The following SLC9B2 variants were observed in gnomAD, a reference collection of about 807,000 sequenced individuals.
The protein encoded by SLC9B2 is sodium/hydrogen exchanger 9B2.
In SLC9B2, 39 loss-of-function variants were observed where a neutral mutation model predicts 52.2. The observed-to-expected ratio is 0.75, with a 90% CI of 0.58 to 0.98. SLC9B2 has a LOEUF of 0.98. Ranked by LOEUF, SLC9B2 falls within the 50% of genes least tolerant of loss-of-function variation. SLC9B2 has a pLI of 0.00. For synonymous variants in SLC9B2, 214 were observed against 227.0 expected (o/e 0.94, Z 0.51); for missense variants, 626 against 637.5 (o/e 0.98, Z 0.19).
At chr4:103,055,874 G>GC (rs1356960047) in intron 4 of SLC9B2, among the ~76,000 whole-genome samples, 1 of 150,994 alleles carries the variant, frequency 6.6e-6, no homozygotes, top group African/African-American at 2.4e-5. Flanking sequence ...CGCGATCTCG[G>GC]CTCACTGCAT....
chr4:103,061,138 G>T (rs1745604634), intron 3 of SLC9B2, among the ~76,000 whole-genome samples: 1 of 152,146 alleles, frequency 6.6e-6, no homozygotes, highest in Admixed American at 6.6e-5. Context: ...AATACCATTT[G>T]ACCCAGCCAT....
At chr4:103,028,148 G>A (rs544528435) in intron 11 of SLC9B2, among the ~76,000 whole-genome samples, 5 of 152,136 alleles carry the variant, frequency 3.3e-5, no homozygotes, top group East Asian at 1.9e-4. Context: ...TATTTATCAC[G>A]TTTATTAGAA....
chr4:103,058,489 C>T (rs1745351035), intron 3 of SLC9B2, among the ~76,000 whole-genome samples: 1 of 152,148 alleles, frequency 6.6e-6, no homozygotes, highest in African/African-American at 2.4e-5. Flanking sequence ...CCTCAACCTC[C>T]CAGGCTCAAG....
intron 3 of SLC9B2, among the ~76,000 whole-genome samples, chr4:103,058,557 C>T (rs1745361180): frequency 6.6e-6 from 1 of 152,132 alleles, no homozygotes; most frequent in Admixed American, 6.5e-5. Context: ...ACCACCATGC[C>T]TGGCTAATTT....
In SLC9B2 at chr4:103,049,014, T is replaced by G. The variant is rs371141931; in HGVS notation, c.592A>C (p.Lys198Gln). The G allele has an allele frequency of 9.3e-6, 15 of 1,613,194 alleles. No homozygotes were observed. In the African/African-American group the frequency reaches 2.0e-4, roughly 22 times the overall value. The stretch of plus-strand genomic sequence containing the variant: ...CTTACACAAACGCCCTTTAACTTCT[T>G]CAGGGCCTGAAATAGAAAAGTAGAC... ...AGLGLDSKAL[K>Q]KLKGVCVRLS... The change falls in exon 6 of 12, where the codon AAG (lysine) becomes CAG (glutamine). Residue 198 changes from lysine (K) to glutamine (Q), a missense_variant. Lys to Gln is a moderately conservative substitution (Grantham distance 53). Transcript: ENST00000394785.
chr4:103,020,564 C>T (rs1054981838), downstream of SLC9B2, among the ~76,000 whole-genome samples: 6 of 152,146 alleles, frequency 3.9e-5, no homozygotes, highest in Non-Finnish European at 8.8e-5. Flanking sequence ...TGTTCTTTTT[C>T]TTAGTCATCA....
chr4:103,070,677 G>C (rs1240299911), intron 1 of SLC9B2, among the ~76,000 whole-genome samples: 1 of 152,164 alleles, frequency 6.6e-6, no homozygotes, highest in African/African-American at 2.4e-5. Flanking sequence ...CCTGACCTCA[G>C]TGATCCACCC....
intron 10 of SLC9B2, among the ~76,000 whole-genome samples, chr4:103,031,049 T>C (rs1357530839): frequency 2.0e-5 from 3 of 152,032 alleles, no homozygotes; most frequent in Non-Finnish European, 4.4e-5. Flanking sequence ...GACTAAATTC[T>C]GAAGAGAAGA....
chr4:103,028,817 C>T lies in SLC9B2; in HGVS notation c.1322G>A (p.Cys441Tyr), dbSNP rs1200643270. The T allele has an allele frequency of 1.2e-6, 2 of 1,609,480 alleles. No homozygotes were observed. Among genetic ancestry groups the T allele is most frequent in the Non-Finnish European group, 1.7e-6 (2 of 1,178,542 alleles). Residue 441 changes from cysteine to tyrosine, a missense_variant, in exon 11 of 12, where the codon TGT becomes TAT. Cys to Tyr is a radical substitution (Grantham distance 194). Transcript: ENST00000394785. The part of the protein sequence containing the change: ...IRILTTFLMV[C>Y]FAGFNLKEKI... ...TTCTTTTAAGTTAAAACCAGCAAAA[C>T]ACACCATCAGAAATGTAGTCAAAAT...
intron 1 of SLC9B2, among the ~76,000 whole-genome samples, chr4:103,072,059 T>TTTTTTTTTTTG (rs1456240914): frequency 7.2e-6 from 1 of 139,542 alleles, no homozygotes; most frequent in Non-Finnish European, 1.5e-5. Context: ...CTTTCATGTT[T>TTTTTTTTTTTG]TTTTTTTTTT....
Position 103,057,413 on chromosome 4 carries a change from C to T in SLC9B2, c.442+388G>A, listed in dbSNP as rs1033076587. On this transcript the variant is annotated intron_variant, in intron 4 of 11. Coordinates refer to ENST00000394785, the MANE Select transcript of SLC9B2 (RefSeq NM_178833.7). ...CGACCTCCTGGGTTCAGTCAATCCT[C>T]CCACCTCAGCCTCCTGAGTAGCTGG... is the stretch of plus-strand genomic sequence containing the variant. 2.0e-5 allele frequency among the ~76,000 whole-genome samples: 3 copies of T among 152,026 alleles called. No homozygotes were observed. In the South Asian group the frequency reaches 6.2e-4, roughly 32 times the overall value.
chr4:103,038,471 G>A (rs573641762), intron 9 of SLC9B2, among the ~76,000 whole-genome samples: 1 of 152,216 alleles, frequency 6.6e-6, no homozygotes, highest in Middle Eastern at 3.4e-3. Flanking sequence ...GTATCTTCTT[G>A]TGGGTTTTTC....
rs146842381 is a variant in SLC9B2, at chr4:103,050,336, G to A, written c.489C>T (p.Asn163=). The change falls in exon 5 of 12, where the codon AAC becomes AAT. Residue 163 remains asparagine, a synonymous_variant. Coordinates refer to ENST00000394785, the MANE Select transcript of SLC9B2 (RefSeq NM_178833.7). The stretch of plus-strand genomic sequence containing the variant: ...ACTTGTGCTTGATCTGCACATTATC[G>A]TTGATGACTGGGATATTTCTGATGA... ...GFLIRNIPVI[N]DNVQIKHKWS... 44 of 1,608,594 alleles carry A rather than the reference G, an allele frequency of 2.7e-5. No individual in the cohort carries two copies. The East Asian group carries it at 6.1e-4, about 22-fold the overall frequency.
chr4:103,071,942 C>T (rs529867274), intron 1 of SLC9B2, among the ~76,000 whole-genome samples: 1 of 152,000 alleles, frequency 6.6e-6, no homozygotes, highest in East Asian at 1.9e-4. Flanking sequence ...AACTTAATAA[C>T]ACCTGCCACA....
intron 1 of SLC9B2, 32 bp from the exon 2 acceptor site, chr4:103,067,624 A>G (rs922596782): frequency 1.0e-5 from 12 of 1,186,942 alleles, no homozygotes; most frequent in Non-Finnish European, 1.5e-5. Flanking sequence ...ATAGAGCAGT[A>G]ATTTGAAAGT....
rs1326826337 is a variant in SLC9B2 at position 103,070,967 on chromosome 4, G to A, written c.-42-3375C>T. Among the ~76,000 whole-genome samples the A allele has an allele frequency of 3.0e-4, 45 of 151,772 alleles. 2 individuals are homozygous for A. The highest frequency in any genetic ancestry group is 3.0e-3 in the Admixed American group (45 of 15,240). ...GTATAAAAAAAGAAAAAAGAAAAAA[G>A]TTTTCTTAACCTTTTCTCCCCACTT... On this transcript the variant is annotated intron_variant, in intron 1 of 11. Transcript: ENST00000394785.
intron 6 of SLC9B2, 96 bp downstream of exon 6, chr4:103,048,797 C>G: frequency 7.1e-7 from 1 of 1,400,388 alleles, no homozygotes; most frequent in Admixed American, 2.4e-5. Flanking sequence ...TTTCTGATAT[C>G]TATAAGAAAA....
intron 9 of SLC9B2, among the ~76,000 whole-genome samples, chr4:103,035,135 C>A (rs1196578833): frequency 6.6e-6 from 1 of 152,118 alleles, no homozygotes; most frequent in East Asian, 1.9e-4. Flanking sequence ...CTCCCTCCTC[C>A]CACCCTCCAC....
Position 103,043,021 on chromosome 4 carries a change from T to C in SLC9B2, c.1146+275A>G, listed in dbSNP as rs1743770778. On this transcript the variant is annotated intron_variant, in intron 9 of 11. Transcript: ENST00000394785. Reference sequence around the variant, plus strand: ...GGCAGAAAACTAGAAACAACGTAAATATCTATAAAATGCAATACTCCGTAG... The same window carrying C: ...GGCAGAAAACTAGAAACAACGTAAACATCTATAAAATGCAATACTCCGTAG... Among the ~76,000 whole-genome samples, 3 of 152,010 alleles carry C rather than the reference T, an allele frequency of 2.0e-5. No homozygotes were observed. In the South Asian group the frequency reaches 6.2e-4, roughly 32 times the overall value.
Sources: allele counts gnomAD v4.1 joint callset (sites outside exome capture counted in the v4.1 genomes callset), GRCh38; gene constraint gnomAD v4.1.1; transcripts MANE v1.5; gene names NCBI Gene and HGNC (gene_info 2026-07-23, HGNC 2026-07-21).